The following POU6F2 variants were observed in gnomAD, a reference collection of about 807,000 sequenced individuals.
The protein encoded by POU6F2 is POU class 6 homeobox 2, also known as POU domain, class 6, transcription factor 2.
A neutral mutation model predicts 71.3 loss-of-function variants in POU6F2; 31 were observed. The ratio of observed to expected loss-of-function variants is 0.43; its 90% CI spans 0.33 to 0.59. POU6F2 has a LOEUF of 0.59. POU6F2 is among the 20% of genes least tolerant of loss of function. POU6F2 has a pLI of 0.04. For missense variants in POU6F2, 783 were observed against 856.8 expected, an observed-to-expected ratio of 0.91 and a Z score of 1.07; for synonymous variants, 347 against 355.7, an observed-to-expected ratio of 0.98 and a Z score of 0.27.
intron 1 of POU6F2, chr7:38,984,420 A>C (rs1250608610): frequency 2.0e-5 from 3 of 152,150 alleles, no homozygotes; most frequent in Non-Finnish European, 4.4e-5. Context: ...AAAGAGAGAC[A>C]AGACCTCGAG....
intron 4 of POU6F2, among the ~76,000 whole-genome samples, chr7:39,295,633 A>G (rs1310107862): frequency 6.6e-6 from 1 of 152,210 alleles, no homozygotes; most frequent in Non-Finnish European, 1.5e-5. Flanking sequence ...GAAGTTGGAT[A>G]TGGGAAAGAA....
chr7:39,087,150 TAA>T (rs71820781), intron 2 of POU6F2, among the ~76,000 whole-genome samples: 52,266 of 138,324 alleles, frequency 0.38, 9,430 homozygotes, highest in Middle Eastern at 0.5. Flanking sequence ...CTTTATTAAT[TAA>T]TTAATTAATT....
At chr7:39,121,073 T>C (rs1299490543) in intron 2 of POU6F2, among the ~76,000 whole-genome samples, 1 of 152,236 alleles carries the variant, frequency 6.6e-6, no homozygotes, top group Admixed American at 6.5e-5. Context: ...GTGAAACTTC[T>C]ATTTTAGTTC....
chr7:39,071,850 G>A (rs9655399), intron 1 of POU6F2, among the ~76,000 whole-genome samples: 7,668 of 152,112 alleles, frequency 0.05, 242 homozygotes, highest in Non-Finnish European at 0.067. Context: ...TTATTTCCTC[G>A]TTTATCTTAA....
At chr7:39,165,282 G>C (rs73365568) in intron 2 of POU6F2, among the ~76,000 whole-genome samples, 1 of 152,072 alleles carries the variant, frequency 6.6e-6, no homozygotes, top group East Asian at 1.9e-4. Context: ...GCTACCCAAC[G>C]TTGCTTACTC....
In POU6F2 at chr7:39,468,115, C is replaced by A. The variant is rs568417912; in HGVS notation, c.*3429C>A. The A allele has an allele frequency of 6.6e-6, 1 of 151,382 alleles. No individual in the cohort carries two copies. The highest frequency in any genetic ancestry group is 2.4e-5 in the African/African-American group (1 of 41,288). The allele number at this position is 151,382 out of a possible 1,614,324, so 9.4% of individuals were successfully genotyped here. A position where few individuals can be genotyped will look rare whatever the true frequency, so the allele number is the denominator to read the frequency against. On this transcript the variant is annotated 3_prime_UTR_variant, in exon 10 of 10. Transcript: ENST00000518318. ...TGTTTGGATAACATTTTGTAATGAG[C>A]TTTTTGTCATGTGATTTGCTTGTCT...
At chr7:38,983,758 A>T (rs1788389101) in intron 1 of POU6F2, among the ~76,000 whole-genome samples, 1 of 152,094 alleles carries the variant, frequency 6.6e-6, no homozygotes, top group Non-Finnish European at 1.5e-5. Context: ...CACCCCACTT[A>T]TAAATGATCA....
chr7:38,996,964 T>C (rs1788758765), intron 1 of POU6F2, among the ~76,000 whole-genome samples: 1 of 152,224 alleles, frequency 6.6e-6, no homozygotes, highest in Non-Finnish European at 1.5e-5. Context: ...AGACTTTTGT[T>C]CCTCTTGCCT....
At chr7:39,315,759 A>G (rs915174808) in intron 4 of POU6F2, among the ~76,000 whole-genome samples, 5 of 152,240 alleles carry the variant, frequency 3.3e-5, no homozygotes, top group Non-Finnish European at 7.3e-5. Context: ...GGAAAGAATG[A>G]ACACGTTCAG....
intron 1 of POU6F2, among the ~76,000 whole-genome samples, chr7:39,026,050 A>T (rs932579874): frequency 1.2e-4 from 18 of 152,230 alleles, no homozygotes; most frequent in African/African-American, 4.3e-4. Flanking sequence ...CCACAATGAG[A>T]TACCATCTCA....
At chr7:39,454,667 T>C (rs183681457) in intron 8 of POU6F2, among the ~76,000 whole-genome samples, 1 of 978 alleles carries the variant, frequency 1.0e-3, no homozygotes, top group Admixed American at 0.013. Context: ...TATATATATA[T>C]ATATATATAT....
intron 4 of POU6F2, among the ~76,000 whole-genome samples, chr7:39,270,864 C>T (rs987482040): frequency 1.2e-4 from 18 of 152,188 alleles, no homozygotes; most frequent in African/African-American, 4.3e-4. Context: ...CAGCTAGTAA[C>T]TTCGAGGCTC....
intron 2 of POU6F2, among the ~76,000 whole-genome samples, chr7:39,182,717 T>C (rs1793458677): frequency 6.6e-6 from 1 of 152,148 alleles, no homozygotes; most frequent in Non-Finnish European, 1.5e-5. Context: ...TCCCCAGAAT[T>C]GCATCCTTAA....
chr7:39,433,419 T>C, intron 7 of POU6F2, 136 bp downstream of exon 7: 1 of 916,342 alleles, frequency 1.1e-6, no homozygotes, highest in Admixed American at 2.8e-5. Flanking sequence ...ATATCGATAC[T>C]TATAAAATGG....
At chr7:39,281,637 C>G (rs1418968372) in intron 4 of POU6F2, among the ~76,000 whole-genome samples, 1 of 152,066 alleles carries the variant, frequency 6.6e-6, no homozygotes, top group African/African-American at 2.4e-5. Flanking sequence ...GAATTTCATC[C>G]TTTTTTATGG....
intron 2 of POU6F2, chr7:39,120,882 T>C (rs1792027589): frequency 6.6e-6 from 1 of 152,154 alleles, no homozygotes; most frequent in South Asian, 2.1e-4. Context: ...CTGGTGAGAA[T>C]CACATAAACT....
intron 6 of POU6F2, among the ~76,000 whole-genome samples, chr7:39,415,161 T>C (rs1290224582): frequency 6.6e-6 from 1 of 152,056 alleles, no homozygotes; most frequent in Non-Finnish European, 1.5e-5. Context: ...GTAGCTGGGA[T>C]TACAGGCGCA....
intron 4 of POU6F2, 26 bp downstream of exon 4, chr7:39,207,646 G>C: frequency 1.3e-6 from 2 of 1,595,418 alleles, no homozygotes; most frequent in Non-Finnish European, 1.7e-6. Flanking sequence ...CATGCGCCAC[G>C]TAAGGCTCTA....
chr7:39,246,561 G>A (rs1189351937), intron 4 of POU6F2, among the ~76,000 whole-genome samples: 1 of 152,136 alleles, frequency 6.6e-6, no homozygotes, highest in Non-Finnish European at 1.5e-5. Context: ...TTTAACCTGT[G>A]TGAGCCTTGA....
Sources: gnomAD v4.1 joint callset for allele counts (sites outside exome capture counted in the v4.1 genomes callset) on GRCh38, gnomAD v4.1.1 for gene constraint, MANE v1.5 for transcripts, NCBI Gene and HGNC (gene_info 2026-07-23, HGNC 2026-07-21) for gene names.